The following ULK4 variants were observed in gnomAD, a reference collection of about 807,000 sequenced individuals.
ULK4 encodes unc-51 like kinase 4.
ULK4 carries 133 observed loss-of-function variants against 160.6 expected under a neutral mutation model. The observed-to-expected ratio is 0.83, with a 90% confidence interval of 0.72 to 0.96. The LOEUF is 0.96. Ranked by LOEUF, ULK4 falls within the 40% of genes least tolerant of loss-of-function variation. The pLI, the probability that ULK4 is intolerant of heterozygous loss-of-function variation, is 0.00. For synonymous variants in ULK4, 534 were observed against 539.8 expected (o/e 0.99, Z 0.15); for missense variants, 1,580 against 1,499.5 (o/e 1.05, Z -0.89).
intron 32 of ULK4, among the ~76,000 whole-genome samples, chr3:41,490,862 A>C (rs1422697540): frequency 1.3e-5 from 2 of 152,176 alleles, no homozygotes; most frequent in Non-Finnish European, 2.9e-5. Flanking sequence ...ACATCTTCTA[A>C]ATCATTATAC....
intron 35 of ULK4, among the ~76,000 whole-genome samples, chr3:41,266,617 T>C (rs928417315): frequency 4.8e-4 from 73 of 152,304 alleles, no homozygotes; most frequent in African/African-American, 1.5e-3. Context: ...GTTAGGTCTC[T>C]TGGAAGCCTA....
At chr3:41,431,858 C>T (rs1316826726) in intron 34 of ULK4, among the ~76,000 whole-genome samples, 4 of 147,998 alleles carry the variant, frequency 2.7e-5, no homozygotes, top group African/African-American at 1.0e-4. Context: ...GGCGCGATCT[C>T]GGTTCACCGC....
chr3:41,858,481 A>C (rs2042422426), intron 17 of ULK4, among the ~76,000 whole-genome samples: 4 of 143,300 alleles, frequency 2.8e-5, no homozygotes, highest in Admixed American at 2.8e-4. Flanking sequence ...CTGTATTTAC[A>C]TTATCATTTG....
chr3:41,872,573 TC>T (rs34528810), intron 17 of ULK4, among the ~76,000 whole-genome samples: 92,936 of 151,848 alleles, frequency 0.61, 30,759 homozygotes, highest in African/African-American at 0.88. Context: ...CTCAGCCAGG[TC>T]CACTTCCCTT....
At chr3:41,514,290 A>G (rs2085681151) in intron 32 of ULK4, among the ~76,000 whole-genome samples, 1 of 152,218 alleles carries the variant, frequency 6.6e-6, no homozygotes, top group East Asian at 1.9e-4. Context: ...TTTAACATAA[A>G]AAGTAATAAT....
At chr3:41,641,255 T>A (rs958922338) in intron 30 of ULK4, among the ~76,000 whole-genome samples, 3 of 152,210 alleles carry the variant, frequency 2.0e-5, no homozygotes, top group Non-Finnish European at 2.9e-5. Context: ...AGATGTCAAT[T>A]ATGATATACA....
At chr3:41,279,266 A>ACC in intron 35 of ULK4, among the ~76,000 whole-genome samples, 1 of 143,970 alleles carries the variant, frequency 6.9e-6, no homozygotes, top group Admixed American at 6.8e-5. Context: ...AAAAAAAAAA[A>ACC]AAAAAAAAAC....
chr3:41,580,377 T>TTA (rs1553615234), intron 31 of ULK4, among the ~76,000 whole-genome samples: 1 of 128,920 alleles, frequency 7.8e-6, no homozygotes, highest in Admixed American at 7.3e-5. Context: ...CAATTATTTA[T>TTA]TTTTTTTTTT....
At chr3:41,556,467 C>T (rs1202773513) in intron 32 of ULK4, among the ~76,000 whole-genome samples, 3 of 145,956 alleles carry the variant, frequency 2.1e-5, no homozygotes, top group Admixed American at 7.0e-5. Flanking sequence ...CAGATGACTT[C>T]GCAAAGAAAC....
intron 4 of ULK4, among the ~76,000 whole-genome samples, chr3:41,932,640 A>C (rs944829216): frequency 6.6e-6 from 1 of 152,252 alleles, no homozygotes; most frequent in Admixed American, 6.5e-5. Context: ...ATTAGAATCT[A>C]TGGATTGTTG....
chr3:41,705,869 T>C (rs1231417751), intron 25 of ULK4, among the ~76,000 whole-genome samples: 1 of 152,148 alleles, frequency 6.6e-6, no homozygotes, highest in Non-Finnish European at 1.5e-5. Context: ...TACATAACCA[T>C]GTCCAATAAT....
chr3:41,755,318 T>C (rs2038763968), intron 21 of ULK4, among the ~76,000 whole-genome samples: 1 of 152,166 alleles, frequency 6.6e-6, no homozygotes, highest in South Asian at 2.1e-4. Flanking sequence ...TCCTTTTCTA[T>C]TTGGTGCTAT....
intron 32 of ULK4, among the ~76,000 whole-genome samples, chr3:41,527,080 T>C (rs2086145018): frequency 6.6e-6 from 1 of 152,216 alleles, no homozygotes; most frequent in Non-Finnish European, 1.5e-5. Flanking sequence ...TCTTATGAAC[T>C]TTGTAAAGAA....
chr3:41,879,168 G>A (rs1295841884), intron 17 of ULK4, among the ~76,000 whole-genome samples: 1 of 152,056 alleles, frequency 6.6e-6, no homozygotes, highest in Non-Finnish European at 1.5e-5. Context: ...AAAATGACAT[G>A]TATGAAACCA....
chr3:41,928,722 T>C (rs990499053), intron 5 of ULK4, among the ~76,000 whole-genome samples: 4 of 151,684 alleles, frequency 2.6e-5, no homozygotes, highest in African/African-American at 9.7e-5. Flanking sequence ...TCTACACAAA[T>C]AAACTAGAAA....
intron 35 of ULK4, among the ~76,000 whole-genome samples, chr3:41,317,249 G>T (rs1365115479): frequency 6.6e-6 from 1 of 151,354 alleles, no homozygotes; most frequent in African/African-American, 2.4e-5. Context: ...CTAATTTTTT[G>T]TATTTTTAGT....
intron 31 of ULK4, among the ~76,000 whole-genome samples, chr3:41,579,160 G>A (rs909964134): frequency 2.0e-5 from 3 of 152,162 alleles, no homozygotes; most frequent in Non-Finnish European, 2.9e-5. Flanking sequence ...GGAAGGCTTG[G>A]CGTTTTCATA....
chr3:41,716,315 G>A (rs551610825), intron 23 of ULK4, among the ~76,000 whole-genome samples: 12 of 151,608 alleles, frequency 7.9e-5, no homozygotes, highest in South Asian at 4.2e-4. Context: ...TAGGTTGGAG[G>A]TAAAAAGAGG....
At chr3:41,690,708 C>T (rs942782876) in intron 27 of ULK4, among the ~76,000 whole-genome samples, 6 of 151,852 alleles carry the variant, frequency 4.0e-5, no homozygotes, top group African/African-American at 9.7e-5. Flanking sequence ...CCAGTCCTAC[C>T]TACAAAAGAA....
Sources: allele counts gnomAD v4.1 joint callset (sites outside exome capture counted in the v4.1 genomes callset), GRCh38; gene constraint gnomAD v4.1.1; transcripts MANE v1.5; gene names NCBI Gene and HGNC (gene_info 2026-07-23, HGNC 2026-07-21).